Variants in TNS1 observed in about 807,000 individuals in gnomAD.
TNS1 encodes tensin 1, also known as tensin-1.
In TNS1, 62 loss-of-function variants were observed where a neutral mutation model predicts 168.6. The observed-to-expected ratio is 0.37, with a 90% CI of 0.30 to 0.45. The LOEUF is 0.45. Ranked by LOEUF, TNS1 falls within the 20% of genes least tolerant of loss-of-function variation. The pLI is 1.00. For synonymous variants in TNS1, 934 were observed against 933.2 expected, an observed-to-expected ratio of 1.00 and a Z score of -0.02; for missense variants, 2,240 against 2,339.4, an observed-to-expected ratio of 0.96 and a Z score of 0.88.
At chr2:217,950,388 G>A (rs569467201) in intron 3 of TNS1, among the ~76,000 whole-genome samples, 2 of 152,238 alleles carry the variant, frequency 1.3e-5, no homozygotes, top group Admixed American at 1.3e-4. Context: ...CCAAGAGGTA[G>A]AAACTACCAG....
chr2:217,881,113 A>T, intron 17 of TNS1, 99 bp from the exon 18 acceptor site: 1 of 848,252 alleles, frequency 1.2e-6, no homozygotes, highest in East Asian at 2.5e-5. Context: ...CAAGCTCCCC[A>T]AAAGAGGCTC....
intron 23 of TNS1, among the ~76,000 whole-genome samples, chr2:217,820,151 A>G (rs1942595029): frequency 6.6e-6 from 1 of 152,070 alleles, no homozygotes; most frequent in African/African-American, 2.4e-5. Flanking sequence ...AGGGTGAGAG[A>G]AGGAGACACT....
At chr2:217,910,108 C>T (rs938618654) in intron 4 of TNS1, among the ~76,000 whole-genome samples, 17 of 152,266 alleles carry the variant, frequency 1.1e-4, no homozygotes, top group African/African-American at 3.6e-4. Context: ...CTGGGTCTGG[C>T]ATGGTGCACA....
chr2:217,886,233 G>A, intron 13 of TNS1, 129 bp from the exon 14 acceptor site: 2 of 937,264 alleles, frequency 2.1e-6, no homozygotes, highest in Non-Finnish European at 1.6e-6. Context: ...GAAGGGGAAG[G>A]AGGAAAAGAG....
intron 3 of TNS1, among the ~76,000 whole-genome samples, chr2:217,951,617 G>C (rs1282820256): frequency 6.6e-6 from 1 of 152,146 alleles, no homozygotes; most frequent in African/African-American, 2.4e-5. Flanking sequence ...TCCTTGACCT[G>C]ACAGGGGCTC....
intron 12 of TNS1, among the ~76,000 whole-genome samples, chr2:217,889,236 A>G (rs1156349727): frequency 6.6e-6 from 1 of 152,238 alleles, no homozygotes; most frequent in African/African-American, 2.4e-5. Context: ...TGTTTTGTGC[A>G]ACTATAAGGT....
At chr2:218,013,547 C>T (rs1958728839), upstream of TNS1, among the ~76,000 whole-genome samples, 2 of 152,178 alleles carry the variant, frequency 1.3e-5, no homozygotes, top group South Asian at 2.1e-4. Flanking sequence ...GCATCTCCCT[C>T]CCCAGTGCTA....
intron 3 of TNS1, among the ~76,000 whole-genome samples, chr2:217,962,044 C>T (rs1397390630): frequency 2.0e-5 from 3 of 152,234 alleles, no homozygotes; most frequent in African/African-American, 4.8e-5. Context: ...ACACTTCACA[C>T]TTGCCAGGCC....
At chr2:218,030,344 C>T (rs867371692) in intron 1 of TNS1, among the ~76,000 whole-genome samples, 11 of 152,230 alleles carry the variant, frequency 7.2e-5, no homozygotes, top group South Asian at 4.1e-4. Flanking sequence ...TTCACCTTCC[C>T]GGTGCAATCC....
chr2:218,013,120 G>A (rs1208548774), upstream of TNS1, among the ~76,000 whole-genome samples: 1 of 152,026 alleles, frequency 6.6e-6, no homozygotes, highest in African/African-American at 2.4e-5. Flanking sequence ...GCGGTGCGTG[G>A]TGGCAGGTAC....
In TNS1 at chr2:217,813,825, G is replaced by A; in HGVS notation, c.4730-9C>T. The A allele has an allele frequency of 6.2e-7, 1 of 1,604,794 alleles. No homozygotes were observed. The highest frequency in any genetic ancestry group is 2.2e-5 in the East Asian group (1 of 44,610). On this transcript the variant is annotated splice_polypyrimidine_tract_variant and intron_variant, in intron 25 of 32. Transcript: ENST00000682258. The surrounding 1 kb of genome is among the most constrained non-coding windows in gnomAD (Gnocchi z 4.0). ...CTTGAGGAGCGCGATGGCTGCATGGGGAAGGGACAAGGAGAGAGGAGGAAG... is the reference window on the plus strand; with the variant it reads ...CTTGAGGAGCGCGATGGCTGCATGGAGAAGGGACAAGGAGAGAGGAGGAAG...
At position 217,813,692 on chromosome 2, in the gene TNS1, A is replaced by T. The variant is rs1941380937; in HGVS notation, c.4854T>A (p.Asn1618Lys). 1.9e-6 allele frequency: 3 copies of T among 1,608,050 alleles called. No individual in the cohort carries two copies. Among genetic ancestry groups the T allele is most frequent in the African/African-American group, 2.7e-5 (2 of 74,544 alleles). The part of the protein sequence containing the change: ...SSPPPTIMQQ[N>K]KKGDMTHELV... The stretch of plus-strand genomic sequence containing the variant: ...TCTGGGAGATGAGGTTACCTTTTTT[A>T]TTCTGCTGCATGATGGTTGGAGGTG... The change falls in exon 26 of 33, where the codon AAT becomes AAA. Residue 1618 changes from asparagine to lysine, a missense_variant. This residue lies in a region of TNS1 where 2,131 missense variants were observed against 2,171.2 expected (regional missense o/e 0.98). Coordinates refer to ENST00000682258, the MANE Select transcript of TNS1 (RefSeq NM_001387777.1). The surrounding 1 kb of genome is among the most constrained non-coding windows in gnomAD (Gnocchi z 4.0).
intron 28 of TNS1, among the ~76,000 whole-genome samples, chr2:217,810,861 C>T (rs1160777000): frequency 2.0e-5 from 3 of 151,332 alleles, no homozygotes; most frequent in East Asian, 1.9e-4. Flanking sequence ...CAAAACATCA[C>T]ATTGTACATG....
At chr2:217,814,557 A>G (rs1351090586) in intron 25 of TNS1, among the ~76,000 whole-genome samples, 2 of 152,168 alleles carry the variant, frequency 1.3e-5, no homozygotes, top group Non-Finnish European at 2.9e-5. Context: ...CCTGAGAATC[A>G]TTCCCCTATT....
intron 3 of TNS1, among the ~76,000 whole-genome samples, chr2:217,961,473 C>T (rs1367457513): frequency 6.6e-6 from 1 of 152,062 alleles, no homozygotes; most frequent in Non-Finnish European, 1.5e-5. Flanking sequence ...CCTGAAAGTA[C>T]CTGAAGCCAA....
intron 6 of TNS1, among the ~76,000 whole-genome samples, chr2:217,905,764 C>A (rs1045722494): frequency 1.3e-5 from 2 of 152,212 alleles, no homozygotes; most frequent in African/African-American, 2.4e-5. Flanking sequence ...GAAGAGACCC[C>A]GAGCCCTTCT....
intron 1 of TNS1, among the ~76,000 whole-genome samples, chr2:218,016,441 C>T (rs2106005605): frequency 6.6e-6 from 1 of 152,312 alleles, no homozygotes; most frequent in East Asian, 1.9e-4. Context: ...CTCGCTGCCA[C>T]CCCACCCACC....
chr2:218,029,036 G>A (rs1958871199), intron 1 of TNS1, among the ~76,000 whole-genome samples: 2 of 152,196 alleles, frequency 1.3e-5, no homozygotes, highest in Non-Finnish European at 2.9e-5. Flanking sequence ...TTCCCTTCCG[G>A]AAATAGCAAA....
chr2:218,007,577 G>C (rs1958670637), upstream of TNS1, among the ~76,000 whole-genome samples: 1 of 131,292 alleles, frequency 7.6e-6, no homozygotes, highest in African/African-American at 2.8e-5. Flanking sequence ...GGGGGGGGGG[G>C]TTCAGCCAGG....
Sources: gnomAD v4.1 joint callset for allele counts (sites outside exome capture counted in the v4.1 genomes callset) on GRCh38, gnomAD v4.1.1 for gene constraint, gnomAD v4.1.1 regional missense constraint, Gnocchi (gnomAD v3.1) non-coding constraint, MANE v1.5 for transcripts, NCBI Gene and HGNC (gene_info 2026-07-23, HGNC 2026-07-21) for gene names.